Variants in MORN5 observed in about 807,000 individuals in gnomAD.
The protein encoded by MORN5 is MORN repeat-containing protein 5.
A neutral mutation model predicts 22.1 loss-of-function variants in MORN5; 21 were observed. The observed-to-expected ratio is 0.95, with a 90% CI of 0.67 to 1.37. MORN5 has a LOEUF of 1.37. Among genes scored for constraint, MORN5 ranks in the 40% most tolerant of loss-of-function variants. The probability of loss-of-function intolerance (pLI) is 0.00; values close to 1 mark genes in which losing one functional copy is unlikely to be tolerated. For missense variants in MORN5, 211 were observed against 215.1 expected, an observed-to-expected ratio of 0.98 and a Z score of 0.12; for synonymous variants, 73 against 74.0, an observed-to-expected ratio of 0.99 and a Z score of 0.07.
intron 4 of MORN5, among the ~76,000 whole-genome samples, chr9:122,184,181 G>A (rs1281520152): frequency 2.0e-5 from 3 of 152,148 alleles, no homozygotes; most frequent in Non-Finnish European, 4.4e-5. Context: ...GCTCAGTGGG[G>A]TTAAGGAATT....
intron 3 of MORN5, among the ~76,000 whole-genome samples, chr9:122,173,431 T>C (rs928179): frequency 0.073 from 11,152 of 152,166 alleles, 1,376 homozygotes; most frequent in African/African-American, 0.26. Context: ...CCAGTACATA[T>C]GGGGTTAGGT....
chr9:122,182,778 C>T (rs896986295), intron 4 of MORN5, among the ~76,000 whole-genome samples: 1 of 152,154 alleles, frequency 6.6e-6, no homozygotes, highest in Non-Finnish European at 1.5e-5. Flanking sequence ...CAGCTTACCT[C>T]GCATGGTCTT....
chr9:122,196,214 C>T (rs1225269372), intron 4 of MORN5, among the ~76,000 whole-genome samples: 7 of 152,194 alleles, frequency 4.6e-5, no homozygotes, highest in South Asian at 2.1e-4. Flanking sequence ...CCACCTCAGC[C>T]TCCCAAAGTG....
chr9:122,191,247 C>T (rs1168478246), intron 4 of MORN5, among the ~76,000 whole-genome samples: 1 of 152,206 alleles, frequency 6.6e-6, no homozygotes, highest in African/African-American at 2.4e-5. Flanking sequence ...CCCTCAGCTG[C>T]AGCCACTCCC....
At chr9:122,182,715 C>T (rs1473502610) in intron 4 of MORN5, among the ~76,000 whole-genome samples, 1 of 152,224 alleles carries the variant, frequency 6.6e-6, no homozygotes, top group Admixed American at 6.5e-5. Context: ...CGTGCCACTG[C>T]ACTCCAGCCT....
At chr9:122,167,048 T>G in intron 2 of MORN5, 133 bp downstream of exon 2, 41 of 621,084 alleles carry the variant, frequency 6.6e-5, no homozygotes, top group Non-Finnish European at 8.9e-5. Context: ...TCTCCCCCAC[T>G]CCCCCCACTT....
intron 4 of MORN5, among the ~76,000 whole-genome samples, chr9:122,177,979 G>A (rs1588306400): frequency 6.6e-6 from 1 of 152,226 alleles, no homozygotes; most frequent in Non-Finnish European, 1.5e-5. Flanking sequence ...TGCCTGAAGA[G>A]TTTATAACCT....
intron 4 of MORN5, among the ~76,000 whole-genome samples, chr9:122,183,811 T>C (rs1421175548): frequency 6.6e-6 from 1 of 152,208 alleles, no homozygotes; most frequent in Non-Finnish European, 1.5e-5. Context: ...TAGCACCAAC[T>C]TTCCTTCAGT....
intron 3 of MORN5, among the ~76,000 whole-genome samples, chr9:122,174,114 C>T (rs1248605643): frequency 6.6e-6 from 1 of 152,206 alleles, no homozygotes; most frequent in Non-Finnish European, 1.5e-5. Context: ...CTGGCCTCTG[C>T]CCACGCTTTG....
At chr9:122,198,443 G>T (rs1829942610) in intron 4 of MORN5, among the ~76,000 whole-genome samples, 1 of 152,178 alleles carries the variant, frequency 6.6e-6, no homozygotes, top group South Asian at 2.1e-4. Flanking sequence ...GTAAGGAGAG[G>T]AGGCAAGAAC....
At chr9:122,198,988 A>G (rs1829954180) in intron 4 of MORN5, among the ~76,000 whole-genome samples, 1 of 152,172 alleles carries the variant, frequency 6.6e-6, no homozygotes, top group South Asian at 2.1e-4. Context: ...CTATCCCACC[A>G]TTGGTGTAGG....
chr9:122,174,861 TG>T, intron 4 of MORN5: 1 of 1,339,748 alleles, frequency 7.5e-7, no homozygotes, highest in South Asian at 1.5e-5. Context: ...GGCACATAAA[TG>T]TCGCACTGAA....
At chr9:122,175,445 G>A (rs866544394) in intron 4 of MORN5, 1 of 984,658 alleles carries the variant, frequency 1.0e-6, no homozygotes. Flanking sequence ...AAACTCACAG[G>A]AGATCAATAC....
Position 122,178,699 on chromosome 9 carries a change from C to G in MORN5, c.439+4072C>G, listed in dbSNP as rs115597927. Reference sequence around the variant, plus strand: ...TTCCATTTGCCTTGAGCCCACCCTTCCATTGTTCTGGCTTTTTACCAGTAG... The same window carrying G: ...TTCCATTTGCCTTGAGCCCACCCTTGCATTGTTCTGGCTTTTTACCAGTAG... On this transcript the variant is annotated intron_variant, in intron 4 of 4. Coordinates refer to ENST00000373764, the MANE Select transcript of MORN5 (RefSeq NM_198469.4). Among the ~76,000 whole-genome samples, 1,197 of 152,298 alleles carry G rather than the reference C, an allele frequency of 7.9e-3. 12 individuals carry two copies. Among genetic ancestry groups the G allele is most frequent in the African/African-American group, 0.028 (1,155 of 41,562 alleles).
At chr9:122,181,416 T>C (rs1183225156) in intron 4 of MORN5, among the ~76,000 whole-genome samples, 1 of 152,200 alleles carries the variant, frequency 6.6e-6, no homozygotes, top group Non-Finnish European at 1.5e-5. Flanking sequence ...AGACATGTGA[T>C]AGTGAAGCTG....
intron 4 of MORN5, among the ~76,000 whole-genome samples, chr9:122,191,054 C>T (rs1829752897): frequency 1.3e-5 from 2 of 152,236 alleles, no homozygotes; most frequent in African/African-American, 2.4e-5. Flanking sequence ...AGCTTCCTTC[C>T]TCCAGGTCCT....
chr9:122,160,635 G>A (rs1256324470), intron 1 of MORN5, among the ~76,000 whole-genome samples: 2 of 146,956 alleles, frequency 1.4e-5, no homozygotes, highest in Non-Finnish European at 3.0e-5. Flanking sequence ...TTTATTTTCA[G>A]ACAAGATCTC....
intron 4 of MORN5, among the ~76,000 whole-genome samples, chr9:122,176,434 A>T (rs1019080870): frequency 6.6e-6 from 1 of 152,200 alleles, no homozygotes; most frequent in Non-Finnish European, 1.5e-5. Context: ...GGCCTTTAAT[A>T]TGCTAATAAA....
At chr9:122,176,324 G>A (rs1174755090) in intron 4 of MORN5, among the ~76,000 whole-genome samples, 1 of 152,002 alleles carries the variant, frequency 6.6e-6, no homozygotes, top group African/African-American at 2.4e-5. Context: ...AACTCTGCTG[G>A]GTGCTAATAG....
Sources: allele counts gnomAD v4.1 joint callset (sites outside exome capture counted in the v4.1 genomes callset), GRCh38; gene constraint gnomAD v4.1.1; transcripts MANE v1.5; gene names NCBI Gene and HGNC (gene_info 2026-07-23, HGNC 2026-07-21).